The following CDH11 variants were observed in gnomAD, a reference collection of about 807,000 sequenced individuals.
CDH11 encodes the protein cadherin 11, also known as cadherin-11.
Under a neutral mutation model 67.8 loss-of-function variants are expected in CDH11, and 11 were observed. The observed-to-expected ratio is 0.16, with a 90% CI of 0.10 to 0.27. CDH11 has a LOEUF of 0.27. Ranked by LOEUF, CDH11 falls within the 10% of genes least tolerant of loss-of-function variation. CDH11 has a pLI of 1.00. For synonymous variants in CDH11, 419 were observed against 400.0 expected (o/e 1.05, Z -0.57); for missense variants, 847 against 1,031.2 (o/e 0.82, Z 2.45).
rs141959398 is a variant in CDH11, at chr16:65,056,451, G to A, written c.-297-2523C>T. On this transcript the variant is annotated intron_variant, in intron 1 of 12. Transcript: ENST00000268603. The stretch of plus-strand genomic sequence containing the variant: ...ATGAATTCAATCAATCCACAAAACT[G>A]TAAGAGATAGTAATACGTTGTTGTT... 3.0e-4 allele frequency among the ~76,000 whole-genome samples: 45 copies of A among 152,276 alleles called. 1 individual carries two copies. The Middle Eastern group carries it at 0.014, about 46-fold the overall frequency.
intron 2 of CDH11, among the ~76,000 whole-genome samples, chr16:65,050,422 G>A (rs2074035020): frequency 6.6e-6 from 1 of 152,202 alleles, no homozygotes; most frequent in Admixed American, 6.5e-5. Flanking sequence ...GAGGAAAGAG[G>A]AAGTGCCCTT....
intron 5 of CDH11, among the ~76,000 whole-genome samples, chr16:64,992,217 T>TAA (rs2072645990): frequency 6.6e-6 from 1 of 152,222 alleles, no homozygotes; most frequent in Non-Finnish European, 1.5e-5. Flanking sequence ...AAGACTGAAA[T>TAA]ACTTGAGTGG....
chr16:65,116,048 C>T (rs953542803), intron 1 of CDH11, among the ~76,000 whole-genome samples: 3 of 152,204 alleles, frequency 2.0e-5, no homozygotes, highest in Non-Finnish European at 4.4e-5. Flanking sequence ...TTACTCTCTT[C>T]ACCCTCATCC....
chr16:64,978,226 T>C (rs1436184284), intron 8 of CDH11, among the ~76,000 whole-genome samples: 1 of 152,224 alleles, frequency 6.6e-6, no homozygotes, highest in African/African-American at 2.4e-5. Context: ...GGAGTTATTT[T>C]ATTTATTTAT....
chr16:65,069,910 T>C (rs1346199993), intron 1 of CDH11, among the ~76,000 whole-genome samples: 1 of 152,120 alleles, frequency 6.6e-6, no homozygotes, highest in Non-Finnish European at 1.5e-5. Flanking sequence ...ATGAACAAGA[T>C]TAGAACCTTG....
At chr16:65,020,913 A>C (rs950356677) in intron 2 of CDH11, among the ~76,000 whole-genome samples, 5 of 152,132 alleles carry the variant, frequency 3.3e-5, no homozygotes, top group African/African-American at 1.2e-4. Context: ...ACAGGAAAGC[A>C]TGCAATTTCT....
chr16:65,036,155 T>C (rs1393434035), intron 2 of CDH11, among the ~76,000 whole-genome samples: 1 of 152,196 alleles, frequency 6.6e-6, no homozygotes, highest in African/African-American at 2.4e-5. Flanking sequence ...GGTGAAGAAA[T>C]TGAAGCTCTA....
At chr16:64,976,676 G>A (rs909928172) in intron 8 of CDH11, among the ~76,000 whole-genome samples, 8 of 152,162 alleles carry the variant, frequency 5.3e-5, no homozygotes, top group Non-Finnish European at 1.0e-4. Context: ...TTAACATGGT[G>A]AAACCTGTCT....
intron 2 of CDH11, among the ~76,000 whole-genome samples, chr16:65,017,373 C>T (rs1473109920): frequency 1.3e-5 from 2 of 152,154 alleles, no homozygotes; most frequent in Non-Finnish European, 2.9e-5. Flanking sequence ...ATAACTTCTT[C>T]AGGCTGAATA....
chr16:64,957,600 GCACACACA>G (rs66508762), intron 11 of CDH11, among the ~76,000 whole-genome samples: 65 of 145,080 alleles, frequency 4.5e-4, no homozygotes, highest in African/African-American at 1.1e-3. Flanking sequence ...ACATGCCCGT[GCACACACA>G]CACACACACA....
intron 2 of CDH11, among the ~76,000 whole-genome samples, chr16:65,024,465 A>G (rs183592304): frequency 1.3e-3 from 192 of 152,338 alleles, no homozygotes; most frequent in Non-Finnish European, 1.4e-3. Flanking sequence ...TTGTACATCC[A>G]AAGTAAATAA....
intron 2 of CDH11, among the ~76,000 whole-genome samples, chr16:65,035,213 A>C (rs2073728882): frequency 6.6e-6 from 1 of 152,232 alleles, no homozygotes; most frequent in Admixed American, 6.5e-5. Flanking sequence ...GTGGCTTCCT[A>C]ATCCCTTGCA....
At chr16:65,090,360 T>C (rs1045546299) in intron 1 of CDH11, among the ~76,000 whole-genome samples, 2 of 152,142 alleles carry the variant, frequency 1.3e-5, no homozygotes, top group African/African-American at 4.8e-5. Context: ...GCTGGATACT[T>C]CATTCTGCCC....
chr16:64,945,705 A>C lies in CDH11; in HGVS notation c.*1898T>G. On this transcript the variant is annotated 3_prime_UTR_variant, in exon 13 of 13. Transcript: ENST00000268603. Reference sequence around the variant, plus strand: ...TGTATTCCATTGAAGTGTTCAGCCCAATTTGATTTCAATGCAAAGTAAAAT... The same window carrying C: ...TGTATTCCATTGAAGTGTTCAGCCCCATTTGATTTCAATGCAAAGTAAAAT... The C allele has an allele frequency of 9.6e-7, 1 of 1,041,376 alleles. No individual in the cohort carries two copies. The highest frequency in any genetic ancestry group is 1.2e-6 in the Non-Finnish European group (1 of 864,128). The allele number at this position is 1,041,376 out of a possible 1,614,324, so 64.5% of individuals were successfully genotyped here. A position where few individuals can be genotyped will look rare whatever the true frequency, so the allele number is the denominator to read the frequency against.
intron 11 of CDH11, among the ~76,000 whole-genome samples, chr16:64,961,048 A>G (rs1248917903): frequency 6.6e-6 from 1 of 152,138 alleles, no homozygotes; most frequent in Admixed American, 6.6e-5. Flanking sequence ...CATCAGATTT[A>G]TATTCACTGT....
In CDH11 at chr16:64,947,285, A is replaced by T; in HGVS notation, c.*318T>A. ...AAAAAGAAGAAAGACTTGGATGTTC[A>T]TAACACATAAACAATTTCCCTTCAT... On this transcript the variant is annotated 3_prime_UTR_variant, in exon 13 of 13. Transcript: ENST00000268603. 8.7e-7 allele frequency: 1 copy of T among 1,148,980 alleles called. No individual in the cohort carries two copies. 71.2% of individuals were successfully genotyped at this position (1,148,980 alleles called of 1,614,324 possible). A position where few individuals can be genotyped will look rare whatever the true frequency, so the allele number is the denominator to read the frequency against.
intron 1 of CDH11, among the ~76,000 whole-genome samples, chr16:65,082,168 G>T (rs959852170): frequency 5.9e-5 from 9 of 152,174 alleles, no homozygotes; most frequent in African/African-American, 2.2e-4. Flanking sequence ...CTGGGTTGAG[G>T]CAGTTTAAAT....
chr16:65,070,291 A>C (rs1224679733), intron 1 of CDH11, among the ~76,000 whole-genome samples: 1 of 152,200 alleles, frequency 6.6e-6, no homozygotes, highest in African/African-American at 2.4e-5. Context: ...GACACTCCTC[A>C]TGTCCACAAA....
chr16:65,007,776 C>T (rs1026291950), intron 2 of CDH11, among the ~76,000 whole-genome samples: 1 of 152,140 alleles, frequency 6.6e-6, no homozygotes, highest in Non-Finnish European at 1.5e-5. Flanking sequence ...TGATTCATAC[C>T]TTGTCTCCTT....
Sources: allele counts gnomAD v4.1 joint callset (sites outside exome capture counted in the v4.1 genomes callset), GRCh38; gene constraint gnomAD v4.1.1; transcripts MANE v1.5; gene names NCBI Gene and HGNC (gene_info 2026-07-23, HGNC 2026-07-21).